Variants in MTFR1 observed in about 807,000 individuals in gnomAD.
MTFR1 encodes the protein mitochondrial fission regulator 1, also known as chondrocyte protein with a poly-proline region.
A neutral mutation model predicts 38.8 loss-of-function variants in MTFR1; 28 were observed. That is an observed-to-expected ratio of 0.72 (90% CI 0.53 to 0.99). The LOEUF (loss-of-function observed/expected upper bound fraction) is 0.99. MTFR1 is among the 50% of genes least tolerant of loss of function. MTFR1 has a pLI of 0.00. For synonymous variants in MTFR1, 145 were observed against 137.0 expected, an observed-to-expected ratio of 1.06 and a Z score of -0.41; for missense variants, 358 against 395.5, an observed-to-expected ratio of 0.91 and a Z score of 0.81.
intron 3 of MTFR1, among the ~76,000 whole-genome samples, chr8:65,737,139 T>A (rs1807174832): frequency 6.6e-6 from 1 of 151,638 alleles, no homozygotes; most frequent in African/African-American, 2.4e-5. Flanking sequence ...ACACCTGAGT[T>A]ATTATTTTCT....
downstream of MTFR1, among the ~76,000 whole-genome samples, chr8:65,773,272 C>G (rs1477503236): frequency 6.6e-6 from 1 of 152,022 alleles, no homozygotes; most frequent in Non-Finnish European, 1.5e-5. Context: ...GCATTTTTCT[C>G]TATTAAAAAA....
At chr8:65,673,347 A>T (rs1292620253) in intron 2 of MTFR1, among the ~76,000 whole-genome samples, 1 of 151,912 alleles carries the variant, frequency 6.6e-6, no homozygotes, top group Non-Finnish European at 1.5e-5. Context: ...AAGTAGTAAC[A>T]AATAACGTCA....
At chr8:65,772,456 T>C (rs759183992), downstream of MTFR1, among the ~76,000 whole-genome samples, 3 of 152,198 alleles carry the variant, frequency 2.0e-5, no homozygotes, top group Admixed American at 1.3e-4. Context: ...TCTGAGATTA[T>C]AGGAAGTGAA....
At chr8:65,649,169 T>C (rs745699799) in intron 1 of MTFR1, among the ~76,000 whole-genome samples, 5 of 152,124 alleles carry the variant, frequency 3.3e-5, no homozygotes, top group African/African-American at 9.7e-5. Flanking sequence ...ATGGAAATAC[T>C]GTATCATTTT....
At chr8:65,682,740 G>A (rs1439565694) in intron 3 of MTFR1, 12 of 984,438 alleles carry the variant, frequency 1.2e-5, no homozygotes, top group Non-Finnish European at 1.4e-5. Context: ...CTCAAACATA[G>A]GCTTTATATT....
intron 2 of MTFR1, among the ~76,000 whole-genome samples, chr8:65,675,516 G>A (rs370431215): frequency 4.1e-5 from 6 of 146,706 alleles, no homozygotes; most frequent in East Asian, 2.1e-4. Context: ...GGAGAATGGC[G>A]TGAACCTGGG....
chr8:65,678,193 G>T (rs1018750309), intron 2 of MTFR1, among the ~76,000 whole-genome samples: 1 of 151,976 alleles, frequency 6.6e-6, no homozygotes, highest in African/African-American at 2.4e-5. Flanking sequence ...GATGCACTTG[G>T]GTCATACAGC....
intron 3 of MTFR1, chr8:65,745,565 G>T: frequency 1.5e-6 from 1 of 685,600 alleles, no homozygotes; most frequent in Non-Finnish European, 2.5e-6. Flanking sequence ...AATGTAAAGT[G>T]ATTGATTTAC....
At chr8:65,760,233 T>TCAAAA (rs1002591720) in intron 3 of MTFR1, among the ~76,000 whole-genome samples, 4 of 152,062 alleles carry the variant, frequency 2.6e-5, no homozygotes, top group African/African-American at 9.7e-5. Context: ...GTGAGACTCC[T>TCAAAA]CAAAACAAAA....
chr8:65,681,988 C>G (rs1472107847), intron 2 of MTFR1: 2 of 154,380 alleles, frequency 1.3e-5, no homozygotes, highest in African/African-American at 4.8e-5. Flanking sequence ...CTATGTATAT[C>G]AAAATTCTAA....
At chr8:65,712,683 T>G (rs1321379558), downstream of MTFR1, among the ~76,000 whole-genome samples, 1 of 152,194 alleles carries the variant, frequency 6.6e-6, no homozygotes, top group Non-Finnish European at 1.5e-5. Context: ...TCTGACAAGC[T>G]GTAAAGACAG....
chr8:65,706,468 A>G (rs538289045), intron 5 of MTFR1, among the ~76,000 whole-genome samples: 1 of 152,296 alleles, frequency 6.6e-6, no homozygotes, highest in Non-Finnish European at 1.5e-5. Context: ...TGTGTTGCTC[A>G]GGCTGGTCTT....
intron 1 of MTFR1, among the ~76,000 whole-genome samples, chr8:65,645,917 T>C (rs544765419): frequency 6.6e-6 from 1 of 152,332 alleles, no homozygotes; most frequent in African/African-American, 2.4e-5. Flanking sequence ...TGAATAATCA[T>C]ACATATAATA....
At chr8:65,655,208 G>T (rs1292151550) in intron 1 of MTFR1, among the ~76,000 whole-genome samples, 2 of 152,176 alleles carry the variant, frequency 1.3e-5, no homozygotes, top group Non-Finnish European at 2.9e-5. Context: ...GTTCAAATAT[G>T]AATATGATCT....
chr8:65,744,710 CAA>C (rs1472034169), intron 3 of MTFR1, among the ~76,000 whole-genome samples: 1 of 151,880 alleles, frequency 6.6e-6, no homozygotes, highest in Non-Finnish European at 1.5e-5. Flanking sequence ...TAAAAGAAAC[CAA>C]AAAATAAAAA....
intron 3 of MTFR1, among the ~76,000 whole-genome samples, chr8:65,749,963 C>T (rs879347511): frequency 2.6e-5 from 4 of 152,156 alleles, no homozygotes; most frequent in Non-Finnish European, 5.9e-5. Flanking sequence ...AAGTATATAA[C>T]GGACTCTTCT....
chr8:65,736,296 G>C (rs1807125018), intron 3 of MTFR1, among the ~76,000 whole-genome samples: 1 of 152,094 alleles, frequency 6.6e-6, no homozygotes, highest in Non-Finnish European at 1.5e-5. Context: ...ACAATGGTGT[G>C]CAATTCAAAA....
downstream of MTFR1, among the ~76,000 whole-genome samples, chr8:65,775,103 AT>A (rs1200174386): frequency 6.6e-6 from 1 of 152,140 alleles, no homozygotes; most frequent in Admixed American, 6.5e-5. Flanking sequence ...AAAATAGTCC[AT>A]TTCGATTCTT....
intron 1 of MTFR1, among the ~76,000 whole-genome samples, chr8:65,662,036 TCTCTCCCTCTC>T (rs1809434805): frequency 1.8e-5 from 1 of 54,134 alleles, no homozygotes; most frequent in Non-Finnish European, 4.4e-5. Context: ...TCTCTCCCTC[TCTCTCCCTCTC>T]TCTCTCCCTC....
Sources: allele counts gnomAD v4.1 joint callset (sites outside exome capture counted in the v4.1 genomes callset), GRCh38; gene constraint gnomAD v4.1.1; transcripts MANE v1.5; gene names NCBI Gene and HGNC (gene_info 2026-07-23, HGNC 2026-07-21).